PCBP3: variants seen among roughly 807,000 people sequenced by gnomAD.
The protein encoded by PCBP3 is poly(rC)-binding protein 3.
In PCBP3, 25 loss-of-function variants were observed where a neutral mutation model predicts 52.7. The ratio of observed to expected loss-of-function variants is 0.47; its 90% CI spans 0.35 to 0.66. The LOEUF (loss-of-function observed/expected upper bound fraction) is 0.66, where lower values mean the gene tolerates loss of function less well. PCBP3 is among the 30% of genes least tolerant of loss of function. The pLI, the probability that PCBP3 is intolerant of heterozygous loss-of-function variation, is 0.01. For missense variants in PCBP3, 391 were observed against 490.3 expected, an observed-to-expected ratio of 0.80 and a Z score of 1.91; for synonymous variants, 162 against 183.0, an observed-to-expected ratio of 0.89 and a Z score of 0.93.
At chr21:45,804,115 C>T (rs1435165205) in intron 4 of PCBP3, among the ~76,000 whole-genome samples, 1 of 152,156 alleles carries the variant, frequency 6.6e-6, no homozygotes, top group Non-Finnish European at 1.5e-5. Flanking sequence ...CTGCCTGCTG[C>T]CGCGCCTCCC....
intron 11 of PCBP3, among the ~76,000 whole-genome samples, chr21:45,911,909 C>G (rs2096402406): frequency 6.6e-6 from 1 of 152,228 alleles, no homozygotes; most frequent in Non-Finnish European, 1.5e-5. Flanking sequence ...TTCCCCACTC[C>G]CTGGTTAGGG....
intron 2 of PCBP3, among the ~76,000 whole-genome samples, chr21:45,721,412 C>CAAA (rs34586187): frequency 1.1e-5 from 1 of 95,104 alleles, no homozygotes; most frequent in Non-Finnish European, 2.2e-5. Context: ...GACTCCATCT[C>CAAA]AAAAAAAAAA....
At position 45,822,281 on chromosome 21, in the gene PCBP3, C is replaced by T. The variant is rs77973471; in HGVS notation, c.-125-27680C>T. On this transcript the variant is annotated intron_variant, in intron 4 of 17. Coordinates refer to ENST00000681687, the MANE Select transcript of PCBP3 (RefSeq NM_001384156.1). ...CTGCAGCCTGAGCCTTTCCTCTGGC[C>T]GCACTGTCCATTTCTTTAGCTCCTC... Among the ~76,000 whole-genome samples, 1,169 of 152,252 alleles carry T rather than the reference C, an allele frequency of 7.7e-3. 15 individuals carry two copies. The highest frequency in any genetic ancestry group is 0.027 in the African/African-American group (1,113 of 41,534).
At chr21:45,813,786 G>A in intron 4 of PCBP3, among the ~76,000 whole-genome samples, 1 of 152,150 alleles carries the variant, frequency 6.6e-6, no homozygotes, top group African/African-American at 2.4e-5. Context: ...TCCTTTAAAA[G>A]TACCTGCCCA....
intron 4 of PCBP3, among the ~76,000 whole-genome samples, chr21:45,775,842 C>A (rs2183597): frequency 6.6e-6 from 1 of 152,054 alleles, no homozygotes; most frequent in Non-Finnish European, 1.5e-5. Flanking sequence ...ATTTAGTTCT[C>A]CTCTGATTTT....
rs550928291 is a variant in PCBP3, at chr21:45,800,394, A to AAG, written c.-126+44946_-126+44947dup. On this transcript the variant is annotated intron_variant, in intron 4 of 17. Transcript: ENST00000681687. The surrounding 1 kb of genome is among the most constrained non-coding windows in gnomAD (Gnocchi z 5.3). ...ATGATGTCGCCTTTGTAGACAAAGG[A>AAG]AGAGACCTTGGAACCTGAGGGTAAA... Among the ~76,000 whole-genome samples, 327 of 152,248 alleles carry AAG rather than the reference A, an allele frequency of 2.1e-3. 3 individuals are homozygous for AAG. Among genetic ancestry groups the AAG allele is most frequent in the Non-Finnish European group, 3.2e-3 (216 of 67,998 alleles).
intron 5 of PCBP3, among the ~76,000 whole-genome samples, chr21:45,884,193 C>T (rs2095466069): frequency 6.6e-6 from 1 of 152,144 alleles, no homozygotes; most frequent in Non-Finnish European, 1.5e-5. Flanking sequence ...ACCTTGACCG[C>T]CCAAAGTGCT....
At chr21:45,900,678 G>T in intron 8 of PCBP3, 55 bp downstream of exon 8, 1 of 575,412 alleles carries the variant, frequency 1.7e-6, no homozygotes, top group Non-Finnish European at 3.5e-6. Flanking sequence ...GGCGGGGTGG[G>T]TCCCCAGGCT....
chr21:45,676,300 G>C (rs1303258345), intron 2 of PCBP3, among the ~76,000 whole-genome samples: 2 of 152,080 alleles, frequency 1.3e-5, no homozygotes. Flanking sequence ...TGGAAAACTT[G>C]TATCTGTCAT....
At chr21:45,801,300 G>A (rs112629772) in intron 4 of PCBP3, among the ~76,000 whole-genome samples, 1,726 of 152,296 alleles carry the variant, frequency 0.011, 50 homozygotes, top group African/African-American at 0.039. Context: ...TCACAGCCCC[G>A]GTGGCCAGTC....
intron 1 of PCBP3, among the ~76,000 whole-genome samples, chr21:45,664,908 A>G (rs1296661502): frequency 1.3e-5 from 2 of 151,720 alleles, no homozygotes; most frequent in Non-Finnish European, 2.9e-5. Flanking sequence ...GAGAATGATG[A>G]TTTCCAATTT....
At chr21:45,793,638 G>A (rs2091755425) in intron 4 of PCBP3, among the ~76,000 whole-genome samples, 1 of 152,198 alleles carries the variant, frequency 6.6e-6, no homozygotes, top group South Asian at 2.1e-4. Flanking sequence ...CCGAGTTTCA[G>A]ATACTGTGGA....
intron 11 of PCBP3, 105 bp downstream of exon 11, chr21:45,911,135 T>C (rs778997325): frequency 3.7e-6 from 5 of 1,350,904 alleles, no homozygotes; most frequent in South Asian, 1.2e-5. Context: ...ACTCACACAG[T>C]TGGGGCTGTG....
In PCBP3 at chr21:45,724,810, C is replaced by T. The variant is rs55957843; in HGVS notation, c.-199-10582C>T. On this transcript the variant is annotated intron_variant, in intron 2 of 17. Transcript: ENST00000681687. This position sits in a 1 kb window ranked among gnomAD's most constrained non-coding sequence, Gnocchi z 5.3. ...CAGGCTGTTGGGCCGTGAGGCTGCT[C>T]TGGTCTGAGAAAGTGGGTGGCAGGA... Among the ~76,000 whole-genome samples, 23,074 of 151,888 alleles carry T rather than the reference C, an allele frequency of 0.15. 1,899 individuals carry two copies. Among genetic ancestry groups the T allele is most frequent in the Middle Eastern group, 0.3 (89 of 294 alleles).
At chr21:45,850,493 G>A (rs2093952888) in intron 5 of PCBP3, among the ~76,000 whole-genome samples, 3 of 152,148 alleles carry the variant, frequency 2.0e-5, no homozygotes, top group Admixed American at 2.0e-4. Flanking sequence ...CATCAGGAGT[G>A]GGGGTGCTGT....
intron 15 of PCBP3, among the ~76,000 whole-genome samples, chr21:45,934,144 A>G (rs1164087368): frequency 1.3e-5 from 2 of 151,996 alleles, no homozygotes; most frequent in Non-Finnish European, 2.9e-5. Flanking sequence ...GGGTATTCTG[A>G]AGGTACATCA....
intron 4 of PCBP3, chr21:45,836,345 A>C (rs949439778): frequency 2.0e-5 from 3 of 152,302 alleles, no homozygotes; most frequent in African/African-American, 7.2e-5. Flanking sequence ...CACCTGCGCC[A>C]GGCCTGTGTG....
chr21:45,696,212 A>G (rs2082766217), intron 2 of PCBP3, among the ~76,000 whole-genome samples: 1 of 152,076 alleles, frequency 6.6e-6, no homozygotes, highest in African/African-American at 2.4e-5. Flanking sequence ...TAAGTGTTAA[A>G]GGAATATAGT....
intron 3 of PCBP3, among the ~76,000 whole-genome samples, chr21:45,739,208 A>C (rs1351918089): frequency 4.4e-5 from 2 of 45,730 alleles, no homozygotes; most frequent in Admixed American, 3.4e-4. Flanking sequence ...CTTCCTGCCC[A>C]TTGTCCTCTG....
Sources: allele counts gnomAD v4.1 joint callset (sites outside exome capture counted in the v4.1 genomes callset), GRCh38; gene constraint gnomAD v4.1.1; non-coding constraint Gnocchi (gnomAD v3.1); transcripts MANE v1.5; gene names NCBI Gene and HGNC (gene_info 2026-07-23, HGNC 2026-07-21).